SLCO1B3: variants seen among roughly 807,000 people sequenced by gnomAD.
SLCO1B3 encodes solute carrier organic anion transporter family member 1B3, also known as liver-specific organic anion transporter 2.
A neutral mutation model predicts 71.8 loss-of-function variants in SLCO1B3; 72 were observed. The observed-to-expected ratio is 1.00, with a 90% CI of 0.83 to 1.22. The LOEUF is 1.22. Among genes scored for constraint, SLCO1B3 ranks in the 50% most tolerant of loss-of-function variants. SLCO1B3 has a pLI of 0.00. For missense variants in SLCO1B3, 911 were observed against 819.7 expected, an observed-to-expected ratio of 1.11 and a Z score of -1.36; for synonymous variants, 298 against 278.4, an observed-to-expected ratio of 1.07 and a Z score of -0.70.
At chr12:20,893,533 A>G (rs1006769189) in intron 13 of SLCO1B3, among the ~76,000 whole-genome samples, 5 of 152,192 alleles carry the variant, frequency 3.3e-5, no homozygotes, top group African/African-American at 1.2e-4. Flanking sequence ...GAGAACTTCT[A>G]CATTTCAGGC....
At chr12:20,841,343 A>AT (rs1318999765) in intron 3 of SLCO1B3, among the ~76,000 whole-genome samples, 2 of 152,180 alleles carry the variant, frequency 1.3e-5, no homozygotes, top group African/African-American at 2.4e-5. Flanking sequence ...GTCCCAGTAT[A>AT]TTTTTTAAAA....
intron 3 of SLCO1B3, among the ~76,000 whole-genome samples, chr12:20,830,450 A>G (rs1864516503): frequency 6.6e-6 from 1 of 152,168 alleles, no homozygotes; most frequent in Non-Finnish European, 1.5e-5. Flanking sequence ...GTTGCCAGAG[A>G]AAAATGAGCA....
intron 15 of SLCO1B3, among the ~76,000 whole-genome samples, chr12:20,906,997 C>T (rs1348751565): frequency 1.3e-5 from 2 of 151,446 alleles, no homozygotes; most frequent in African/African-American, 2.4e-5. Context: ...TGCATGCAGG[C>T]AAATGAATAT....
chr12:20,830,541 C>A (rs1255577863), intron 3 of SLCO1B3, among the ~76,000 whole-genome samples: 2 of 152,102 alleles, frequency 1.3e-5, no homozygotes, highest in African/African-American at 2.4e-5. Context: ...ACATAGAGTA[C>A]CTACTCCTGG....
Position 20,843,139 on chromosome 12 carries a change from G to A in SLCO1B3, c.85-11889G>A, listed in dbSNP as rs143954933. Among the ~76,000 whole-genome samples, 148 of 152,086 alleles carry A rather than the reference G, an allele frequency of 9.7e-4. 1 individual carries two copies. Among genetic ancestry groups the A allele is most frequent in the African/African-American group, 2.9e-3 (121 of 41,498 alleles). On this transcript the variant is annotated intron_variant, in intron 3 of 15. Transcript: ENST00000381545. Reference sequence around the variant, plus strand: ...TACATGTTCTCATGTTCTTTGATACGCCTCTTTAACCTTTATACTCTCTGA... The same window carrying A: ...TACATGTTCTCATGTTCTTTGATACACCTCTTTAACCTTTATACTCTCTGA...
chr12:20,837,056 G>T (rs1177650323), intron 3 of SLCO1B3, among the ~76,000 whole-genome samples: 3 of 152,060 alleles, frequency 2.0e-5, no homozygotes, highest in Non-Finnish European at 4.4e-5. Context: ...GTTTATTTTG[G>T]GAAATTGGTC....
In SLCO1B3 at chr12:20,861,054, G is replaced by A. The variant is rs369609436; in HGVS notation, c.397G>A (p.Glu133Lys). 1 of 1,599,338 alleles carries A rather than the reference G, an allele frequency of 6.3e-7. No homozygotes were observed. ...TAAAGAAACCCATATTAATCCATCAGAAAATTCAACATCAAGTTTATCAAC... is the reference window on the plus strand; with the variant it reads ...TAAAGAAACCCATATTAATCCATCAAAAAATTCAACATCAAGTTTATCAAC... ...YSKETHINPS[E>K]NSTSSLSTCL... The change falls in exon 6 of 16, where the codon GAA becomes AAA. Residue 133 changes from glutamate (E) to lysine (K), a missense_variant. Coordinates refer to ENST00000381545, the MANE Select transcript of SLCO1B3 (RefSeq NM_019844.4).
chr12:20,864,583 A>G (rs1215114338), intron 8 of SLCO1B3, among the ~76,000 whole-genome samples: 1 of 152,184 alleles, frequency 6.6e-6, no homozygotes, highest in African/African-American at 2.4e-5. Context: ...CGTTATGTAC[A>G]TCATTTTTAC....
chr12:20,866,696 G>C (rs1261845894), intron 8 of SLCO1B3, among the ~76,000 whole-genome samples: 1 of 149,858 alleles, frequency 6.7e-6, no homozygotes, highest in Admixed American at 6.8e-5. Context: ...ATCTACCTGA[G>C]CAGGTTTTTA....
chr12:20,860,343 G>A (rs1865235443), intron 5 of SLCO1B3, among the ~76,000 whole-genome samples: 1 of 152,108 alleles, frequency 6.6e-6, no homozygotes, highest in Non-Finnish European at 1.5e-5. Flanking sequence ...ATTTATCTTA[G>A]AGAGTGTGAA....
chr12:20,851,227 C>G (rs944892577), intron 3 of SLCO1B3, among the ~76,000 whole-genome samples: 1 of 152,030 alleles, frequency 6.6e-6, no homozygotes, highest in South Asian at 2.1e-4. Flanking sequence ...CTGCTTGTAA[C>G]TTTTTTGTGA....
At chr12:20,833,780 A>G (rs1456329981) in intron 3 of SLCO1B3, among the ~76,000 whole-genome samples, 1 of 147,778 alleles carries the variant, frequency 6.8e-6, no homozygotes, top group Non-Finnish European at 1.5e-5. Flanking sequence ...TTTATCATCT[A>G]TCTCTCTATT....
At chr12:20,893,944 A>T (rs1257222961) in intron 13 of SLCO1B3, among the ~76,000 whole-genome samples, 2 of 152,164 alleles carry the variant, frequency 1.3e-5, no homozygotes, top group African/African-American at 4.8e-5. Flanking sequence ...TTAGTGGGTT[A>T]GCTAGAAAAG....
chr12:20,863,577 T>C (rs1265830889), intron 8 of SLCO1B3, among the ~76,000 whole-genome samples: 1 of 152,200 alleles, frequency 6.6e-6, no homozygotes, highest in Admixed American at 6.5e-5. Context: ...TTAGCTAATA[T>C]TAGTAGATCC....
intron 15 of SLCO1B3, 90 bp downstream of exon 15, chr12:20,901,557 TTAA>T (rs1219532779): frequency 3.1e-6 from 2 of 647,658 alleles, no homozygotes; most frequent in South Asian, 2.1e-5. Context: ...GATCGTAATA[TTAA>T]TGATAGCTAC....
At chr12:20,892,409 C>T (rs888331027) in intron 13 of SLCO1B3, among the ~76,000 whole-genome samples, 2 of 152,072 alleles carry the variant, frequency 1.3e-5, no homozygotes, top group Non-Finnish European at 2.9e-5. Flanking sequence ...AATAAAACTT[C>T]TGTTTATGTT....
Position 20,828,980 on chromosome 12 carries a change from C to G in SLCO1B3, c.84+13158C>G, listed in dbSNP as rs372868716. Among the ~76,000 whole-genome samples, 162 of 141,806 alleles carry G rather than the reference C, an allele frequency of 1.1e-3. 4 individuals are homozygous for G. The South Asian group carries it at 0.034, about 30-fold the overall frequency. 93.0% of individuals were successfully genotyped at this position (141,806 alleles called of 152,430 possible). On this transcript the variant is annotated intron_variant, in intron 3 of 15. Transcript: ENST00000381545. ...CCCCTCAGGTAATTTTTTCCTTTTG[C>G]TGGTTGTTTTTTAATTTTTCTTTCC...
At chr12:20,840,967 C>T (rs1864786383) in intron 3 of SLCO1B3, among the ~76,000 whole-genome samples, 4 of 152,188 alleles carry the variant, frequency 2.6e-5, no homozygotes, top group South Asian at 2.1e-4. Context: ...AGATCCAGGT[C>T]GAGCTCCTGA....
chr12:20,853,222 T>C (rs540456871), intron 3 of SLCO1B3, among the ~76,000 whole-genome samples: 2 of 152,226 alleles, frequency 1.3e-5, no homozygotes, highest in East Asian at 3.9e-4. Flanking sequence ...TCTGTAGTTT[T>C]CTTTTTTTCT....
Sources: allele counts gnomAD v4.1 joint callset (sites outside exome capture counted in the v4.1 genomes callset), GRCh38; gene constraint gnomAD v4.1.1; transcripts MANE v1.5; gene names NCBI Gene and HGNC (gene_info 2026-07-23, HGNC 2026-07-21).